MAGI3: variants seen among roughly 807,000 people sequenced by gnomAD.
MAGI3 encodes the protein membrane associated guanylate kinase, WW and PDZ domain containing 3, also known as membrane-associated guanylate kinase, WW and PDZ domain-containing protein 3.
MAGI3 carries 43 observed loss-of-function variants against 121.8 expected under a neutral mutation model. The observed-to-expected ratio is 0.35, with a 90% CI of 0.28 to 0.46. The LOEUF is 0.46. Among genes scored for constraint, MAGI3 ranks in the 20% least tolerant of loss-of-function variants. MAGI3 has a pLI of 1.00. For synonymous variants in MAGI3, 553 were observed against 639.3 expected (o/e 0.86, Z 2.04); for missense variants, 1,547 against 1,797.3 (o/e 0.86, Z 2.52).
At chr1:113,494,890 T>G (rs1316042104) in intron 1 of MAGI3, among the ~76,000 whole-genome samples, 1 of 152,232 alleles carries the variant, frequency 6.6e-6, no homozygotes. Flanking sequence ...TTTATTTGTT[T>G]ACTTGTTTTT....
Position 113,585,599 on chromosome 1 carries a change from T to G in MAGI3, c.763+3T>G. On this transcript the variant is annotated splice_donor_region_variant and intron_variant, in intron 4 of 20. Coordinates refer to ENST00000307546, the MANE Select transcript of MAGI3 (RefSeq NM_001142782.2). ...TATTAATGGCAGTGGAAACGCAGGT[T>G]TGTAAATAGATGAACAACTTCTAAC... 6.2e-7 allele frequency: 1 copy of G among 1,609,774 alleles called. No individual in the cohort carries two copies. Among genetic ancestry groups the G allele is most frequent in the South Asian group, 1.1e-5 (1 of 90,698 alleles).
chr1:113,659,218 T>C lies in MAGI3; in HGVS notation c.2768T>C (p.Ile923Thr). Residue 923 changes from isoleucine to threonine, a missense_variant, in exon 16 of 21, where the codon ATC (isoleucine) becomes ACC (threonine). Transcript: ENST00000307546. ...ELSHDNIVQL[I>T]KDAGVTVTLT... is the part of the protein sequence containing the mutation. Reference sequence around the variant, plus strand: ...TCTCATGATAACATTGTTCAGCTGATCAAAGATGCTGGTGTCACCGTCACA... The same window carrying C: ...TCTCATGATAACATTGTTCAGCTGACCAAAGATGCTGGTGTCACCGTCACA... 6.2e-7 allele frequency: 1 copy of C among 1,614,000 alleles called. No homozygotes were observed. Among genetic ancestry groups the C allele is most frequent in the Non-Finnish European group, 8.5e-7 (1 of 1,179,948 alleles).
At chr1:113,605,339 C>T (rs541873574) in intron 6 of MAGI3, among the ~76,000 whole-genome samples, 2 of 152,136 alleles carry the variant, frequency 1.3e-5, no homozygotes, top group South Asian at 4.2e-4. Context: ...TGATAACACT[C>T]AATAATATGG....
intron 1 of MAGI3, among the ~76,000 whole-genome samples, chr1:113,430,018 A>G (rs1653222056): frequency 1.3e-5 from 2 of 152,250 alleles, no homozygotes; most frequent in Non-Finnish European, 1.5e-5. Context: ...AAACACTGCC[A>G]TTCCTTTATC....
At chr1:113,441,590 A>G (rs1011916082) in intron 1 of MAGI3, among the ~76,000 whole-genome samples, 1 of 152,154 alleles carries the variant, frequency 6.6e-6, no homozygotes, top group Non-Finnish European at 1.5e-5. Context: ...TTGACTGCCA[A>G]CCAATTTGAA....
In MAGI3 at chr1:113,672,752, A is replaced by T. The variant is rs1647637651; in HGVS notation, c.3045+11A>T. 1 of 1,604,810 alleles carries T rather than the reference A, an allele frequency of 6.2e-7. No homozygotes were observed. Among genetic ancestry groups the T allele is most frequent in the Non-Finnish European group, 8.5e-7 (1 of 1,176,712 alleles). ...AGTCGGCACAATCAGGTAAACAAAC[A>T]TTTCCCCAGATGGGGAGTGATATTT... On this transcript the variant is annotated intron_variant, in intron 18 of 20. Coordinates refer to ENST00000307546, the MANE Select transcript of MAGI3 (RefSeq NM_001142782.2).
chr1:113,647,595 G>T (rs934298068), intron 12 of MAGI3, among the ~76,000 whole-genome samples: 1 of 152,148 alleles, frequency 6.6e-6, no homozygotes, highest in Non-Finnish European at 1.5e-5. Context: ...GCAGATTTGA[G>T]TAGGTATAAT....
At chr1:113,517,356 A>T (rs917833021) in intron 1 of MAGI3, among the ~76,000 whole-genome samples, 1 of 151,866 alleles carries the variant, frequency 6.6e-6, no homozygotes, top group Non-Finnish European at 1.5e-5. Context: ...AGGCCTCAAA[A>T]CATTGCCATA....
intron 2 of MAGI3, among the ~76,000 whole-genome samples, chr1:113,559,763 G>T (rs550356528): frequency 6.6e-6 from 1 of 152,162 alleles, no homozygotes; most frequent in East Asian, 1.9e-4. Context: ...TAGAGACAGA[G>T]TTTCACCATG....
At chr1:113,543,066 GATA>G (rs1659364617) in intron 1 of MAGI3, among the ~76,000 whole-genome samples, 1 of 151,652 alleles carries the variant, frequency 6.6e-6, no homozygotes, top group East Asian at 1.9e-4. Flanking sequence ...ATATAATAAT[GATA>G]ATAATTCTAA....
intron 2 of MAGI3, among the ~76,000 whole-genome samples, chr1:113,555,949 C>A (rs1313531797): frequency 6.6e-6 from 1 of 152,138 alleles, no homozygotes; most frequent in East Asian, 1.9e-4. Flanking sequence ...ATTAATAGCA[C>A]ACTTCTAAAT....
chr1:113,661,928 G>A lies in MAGI3; in HGVS notation c.2815+2663G>A, dbSNP rs1018948296. ...CTCTTATTTTTCTTAGGAAAAAACA[G>A]AAAATCTTCCTTCTGTCCATAAAGA... On this transcript the variant is annotated intron_variant, in intron 16 of 20. Transcript: ENST00000307546. Among the ~76,000 whole-genome samples the A allele has an allele frequency of 2.6e-5, 4 of 152,206 alleles. No homozygotes were observed. In the East Asian group the frequency reaches 7.7e-4, roughly 29 times the overall value.
chr1:113,391,397 T>G lies in MAGI3; in HGVS notation c.316+48T>G. On this transcript the variant is annotated intron_variant, in intron 1 of 20. Transcript: ENST00000307546. This position sits in a 1 kb window ranked among gnomAD's most constrained non-coding sequence, Gnocchi z 4.4. ...TCTCGGGGTGTTGGGGAGAGGGGCT[T>G]CAGGGTGGGCGTCCTGGGAGCGGCG... The G allele has an allele frequency of 6.5e-7, 1 of 1,549,270 alleles. No individual in the cohort carries two copies.
intron 19 of MAGI3, among the ~76,000 whole-genome samples, chr1:113,674,886 C>T (rs1162236230): frequency 6.6e-6 from 1 of 152,152 alleles, no homozygotes; most frequent in Non-Finnish European, 1.5e-5. Flanking sequence ...GAATAGGTGG[C>T]ATTGACAGGT....
At chr1:113,513,943 C>G (rs1214745757) in intron 1 of MAGI3, among the ~76,000 whole-genome samples, 1 of 149,918 alleles carries the variant, frequency 6.7e-6, no homozygotes, top group African/African-American at 2.4e-5. Context: ...AAAAAAACAA[C>G]CCCATCAAAA....
intron 1 of MAGI3, among the ~76,000 whole-genome samples, chr1:113,546,697 T>G (rs1391868022): frequency 6.6e-6 from 1 of 151,788 alleles, no homozygotes; most frequent in Non-Finnish European, 1.5e-5. Context: ...CGTCTCGGTG[T>G]TACATCCAGA....
intron 1 of MAGI3, among the ~76,000 whole-genome samples, chr1:113,442,527 G>C (rs1352093055): frequency 6.6e-6 from 1 of 151,922 alleles, no homozygotes; most frequent in Non-Finnish European, 1.5e-5. Flanking sequence ...TAACCCATTA[G>C]AGTCTTCATT....
chr1:113,641,921 T>C lies in MAGI3; in HGVS notation c.1371T>C (p.Ile457=). Residue 457 remains isoleucine, a synonymous_variant, in exon 10 of 21, where the codon ATT becomes ATC. Transcript: ENST00000307546. The stretch of plus-strand genomic sequence containing the variant: ...ATTATGTTTTTCCAGGCGATGTTAT[T>C]GTAGACATCAATGGCAACTGTGTCC... ...QDGKIAPGDV[I]VDINGNCVLG... 7.6e-6 allele frequency: 12 copies of C among 1,581,466 alleles called. No individual in the cohort carries two copies. Among genetic ancestry groups the C allele is most frequent in the Non-Finnish European group, 1.0e-5 (12 of 1,155,306 alleles).
intron 1 of MAGI3, among the ~76,000 whole-genome samples, chr1:113,474,114 GT>G (rs1282419423): frequency 6.6e-5 from 10 of 152,038 alleles, no homozygotes; most frequent in Admixed American, 2.0e-4. Flanking sequence ...TGATGGGGTT[GT>G]TTTTTTCTTG....
Sources: allele counts gnomAD v4.1 joint callset (sites outside exome capture counted in the v4.1 genomes callset), GRCh38; gene constraint gnomAD v4.1.1; non-coding constraint Gnocchi (gnomAD v3.1); transcripts MANE v1.5; gene names NCBI Gene and HGNC (gene_info 2026-07-23, HGNC 2026-07-21).